The following HDAC9 variants were observed in gnomAD, a reference collection of about 807,000 sequenced individuals.
The protein encoded by HDAC9 is MEF-2 interacting transcription repressor (MITR) protein.
In HDAC9, 41 loss-of-function variants were observed where a neutral mutation model predicts 139.4. The observed-to-expected ratio is 0.29, with a 90% confidence interval of 0.23 to 0.38. The LOEUF (loss-of-function observed/expected upper bound fraction) is 0.38, where lower values mean the gene tolerates loss of function less well. HDAC9 is among the 10% of genes least tolerant of loss of function. HDAC9 has a pLI of 1.00. For missense variants in HDAC9, 1,147 were observed against 1,297.0 expected (o/e 0.88, Z 1.78); for synonymous variants, 517 against 476.2 (o/e 1.09, Z -1.12).
intron 1 of HDAC9, among the ~76,000 whole-genome samples, chr7:18,351,433 T>A (rs1212786880): frequency 6.6e-6 from 1 of 152,136 alleles, no homozygotes. Flanking sequence ...TGTTATGAAT[T>A]GTAAAATAAA....
chr7:18,841,673 A>G (rs1337492352), intron 21 of HDAC9, among the ~76,000 whole-genome samples: 1 of 152,148 alleles, frequency 6.6e-6, no homozygotes, highest in Non-Finnish European at 1.5e-5. Context: ...GGATAACAAA[A>G]CAATCATATA....
intron 2 of HDAC9, among the ~76,000 whole-genome samples, chr7:18,504,802 C>T (rs1051386258): frequency 6.6e-6 from 1 of 152,112 alleles, no homozygotes; most frequent in Non-Finnish European, 1.5e-5. Context: ...GAAATATATT[C>T]AGAGAGATAA....
chr7:18,608,543 T>A (rs1836186464), intron 6 of HDAC9, among the ~76,000 whole-genome samples: 1 of 152,176 alleles, frequency 6.6e-6, no homozygotes, highest in Non-Finnish European at 1.5e-5. Context: ...TCATAGAACC[T>A]TCATTCTAAC....
At chr7:18,955,571 G>A (rs1783091860) in intron 24 of HDAC9, among the ~76,000 whole-genome samples, 1 of 152,046 alleles carries the variant, frequency 6.6e-6, no homozygotes. Context: ...AGGCATTTTT[G>A]AGTTCTTATT....
intron 13 of HDAC9, among the ~76,000 whole-genome samples, chr7:18,728,850 A>C (rs563484070): frequency 6.6e-6 from 1 of 152,354 alleles, no homozygotes; most frequent in African/African-American, 2.4e-5. Flanking sequence ...CATCTTTAAT[A>C]AGTATGCATA....
chr7:18,425,589 G>T (rs1394044953), intron 1 of HDAC9, among the ~76,000 whole-genome samples: 1 of 152,194 alleles, frequency 6.6e-6, no homozygotes, highest in Admixed American at 6.5e-5. Context: ...CTTACACATG[G>T]CTCCAGAGGA....
chr7:18,328,440 T>C (rs1052856658), intron 1 of HDAC9, among the ~76,000 whole-genome samples: 1 of 151,956 alleles, frequency 6.6e-6, no homozygotes, highest in African/African-American at 2.4e-5. Context: ...AATGCAAATT[T>C]ATTGGTTTAC....
At chr7:18,551,393 G>A (rs967309379) in intron 2 of HDAC9, among the ~76,000 whole-genome samples, 1 of 152,148 alleles carries the variant, frequency 6.6e-6, no homozygotes, top group Non-Finnish European at 1.5e-5. Context: ...CATGAGATTA[G>A]ATGAGGTTAC....
intron 6 of HDAC9, among the ~76,000 whole-genome samples, chr7:18,601,525 G>C (rs368549108): frequency 5.8e-4 from 88 of 152,172 alleles, no homozygotes; most frequent in Middle Eastern, 3.4e-3. Context: ...ATGTCGAGCA[G>C]GAGAAGTAAA....
intron 2 of HDAC9, among the ~76,000 whole-genome samples, chr7:18,279,231 T>C (rs1796940071): frequency 6.6e-6 from 1 of 152,154 alleles, no homozygotes; most frequent in Non-Finnish European, 1.5e-5. Flanking sequence ...GACTTTCAGA[T>C]TTTTGTTGTC....
At chr7:18,642,988 AT>A (rs1276634667) in intron 8 of HDAC9, among the ~76,000 whole-genome samples, 1 of 152,050 alleles carries the variant, frequency 6.6e-6, no homozygotes, top group Non-Finnish European at 1.5e-5. Context: ...TAAAATGCTT[AT>A]TTTTCCACAC....
At chr7:18,572,548 T>A (rs188305934) in intron 2 of HDAC9, among the ~76,000 whole-genome samples, 1 of 152,036 alleles carries the variant, frequency 6.6e-6, no homozygotes, top group African/African-American at 2.4e-5. Context: ...GAAGTGAATT[T>A]ACTTTAGATC....
intron 1 of HDAC9, among the ~76,000 whole-genome samples, chr7:18,382,057 C>G (rs529725963): frequency 9.7e-4 from 147 of 152,072 alleles, no homozygotes; most frequent in African/African-American, 3.4e-3. Context: ...ATAAAAAAAT[C>G]CAGTTATTGT....
chr7:18,232,882 C>T (rs1029453899), intron 2 of HDAC9, among the ~76,000 whole-genome samples: 1 of 152,208 alleles, frequency 6.6e-6, no homozygotes, highest in Non-Finnish European at 1.5e-5. Context: ...CTCTGCTCCC[C>T]TTTCTAATCT....
intron 1 of HDAC9, among the ~76,000 whole-genome samples, chr7:18,088,476 G>GA (rs1403099757): frequency 4.6e-5 from 7 of 151,908 alleles, no homozygotes; most frequent in South Asian, 2.1e-4. Context: ...CATATTAAAG[G>GA]AAAAAAACAT....
rs1240806019 is a variant in HDAC9, at chr7:18,146,931, T to C, written c.-96-15298T>C. 2.0e-5 allele frequency among the ~76,000 whole-genome samples: 3 copies of C among 152,330 alleles called. No individual in the cohort carries two copies. In the South Asian group the frequency reaches 6.2e-4, roughly 32 times the overall value. ...AGAAAAATAGGAATTGCATCATGTT[T>C]GATAGAAGTATAAGTAACAAGGGAA... On this transcript the variant is annotated intron_variant, in intron 1 of 12. Coordinates refer to the HDAC9 transcript ENST00000417496.
chr7:18,138,925 C>T (rs916429493), intron 1 of HDAC9, among the ~76,000 whole-genome samples: 1 of 152,046 alleles, frequency 6.6e-6, no homozygotes, highest in Non-Finnish European at 1.5e-5. Context: ...ATGGTAATCT[C>T]AACAAATAAA....
rs138268287 is a variant in HDAC9 at position 18,534,169 on chromosome 7, T to C, written c.22+37845T>C. ...TGGAAGCTCATCATTTGTGTGGCAA[T>C]TGTAGCATAGAGGGGTTCTGGTATA... is the stretch of plus-strand genomic sequence containing the variant. On this transcript the variant is annotated intron_variant, in intron 2 of 25. Transcript: ENST00000686413. Among the ~76,000 whole-genome samples, 104 of 152,318 alleles carry C rather than the reference T, an allele frequency of 6.8e-4. No homozygotes were observed. The East Asian group carries it at 0.016, about 24-fold the overall frequency.
At chr7:18,293,193 G>A (rs17674701) in intron 1 of HDAC9, among the ~76,000 whole-genome samples, 3,260 of 152,214 alleles carry the variant, frequency 0.021, 52 homozygotes, top group Middle Eastern at 0.037. Flanking sequence ...TATTGGAAGA[G>A]ATTTGAAATC....
Sources: gnomAD v4.1 joint callset for allele counts (sites outside exome capture counted in the v4.1 genomes callset) on GRCh38, gnomAD v4.1.1 for gene constraint, MANE v1.5 for transcripts, NCBI Gene and HGNC (gene_info 2026-07-23, HGNC 2026-07-21) for gene names.